The following BICC1 variants were observed in gnomAD, a reference collection of about 807,000 sequenced individuals.
The protein encoded by BICC1 is BicC family RNA binding protein 1, also known as protein bicaudal C homolog 1.
Under a neutral mutation model 111.0 loss-of-function variants are expected in BICC1, and 43 were observed. The ratio of observed to expected loss-of-function variants is 0.39; its 90% CI spans 0.30 to 0.50. The LOEUF (loss-of-function observed/expected upper bound fraction) is 0.50, where lower values mean the gene tolerates loss of function less well. BICC1 is among the 20% of genes least tolerant of loss of function. The pLI is 0.88. For synonymous variants in BICC1, 467 were observed against 434.4 expected, an observed-to-expected ratio of 1.07 and a Z score of -0.93; for missense variants, 1,091 against 1,203.2, an observed-to-expected ratio of 0.91 and a Z score of 1.38.
chr10:58,800,453 T>A, intron 13 of BICC1, 127 bp downstream of exon 13: 1 of 859,026 alleles, frequency 1.2e-6, no homozygotes, highest in Non-Finnish European at 1.7e-6. Flanking sequence ...ACCTCAATTA[T>A]GTGGAAAGAC....
At chr10:58,597,174 C>T (rs576405066) in intron 1 of BICC1, among the ~76,000 whole-genome samples, 4 of 152,048 alleles carry the variant, frequency 2.6e-5, no homozygotes, top group Non-Finnish European at 5.9e-5. Flanking sequence ...AGCTGGGCCG[C>T]CAGGGGTGAC....
chr10:58,785,103 C>T, intron 4 of BICC1, 23 bp downstream of exon 4: 1 of 1,434,864 alleles, frequency 7.0e-7, no homozygotes, highest in South Asian at 1.3e-5. Context: ...TAAGGACACT[C>T]AGATGTCAGA....
intron 1 of BICC1, among the ~76,000 whole-genome samples, chr10:58,608,795 T>A (rs1026311637): frequency 2.6e-5 from 4 of 152,316 alleles, no homozygotes; most frequent in Non-Finnish European, 5.9e-5. Context: ...CTTTTCTGGT[T>A]CCATAACTTT....
chr10:58,620,527 A>G lies in BICC1; in HGVS notation c.191-328A>G, dbSNP rs73290180. 8.6e-3 allele frequency among the ~76,000 whole-genome samples: 1,312 copies of G among 152,310 alleles called. 23 individuals are homozygous for G. The highest frequency in any genetic ancestry group is 0.03 in the African/African-American group (1,256 of 41,566). ...AGATAGGAAGTGCTTGGAATGCTAC[A>G]GTTGATTACTTTGAGAGTTGCATTT... On this transcript the variant is annotated intron_variant, in intron 1 of 20. Coordinates refer to ENST00000373886, the MANE Select transcript of BICC1 (RefSeq NM_001080512.3).
chr10:58,541,396 T>G (rs1164324877), intron 1 of BICC1, among the ~76,000 whole-genome samples: 1 of 152,090 alleles, frequency 6.6e-6, no homozygotes, highest in Non-Finnish European at 1.5e-5. Context: ...TCAGTTACAT[T>G]TCTATACTCA....
chr10:58,538,742 C>T (rs1564477389), intron 1 of BICC1, among the ~76,000 whole-genome samples: 1 of 151,646 alleles, frequency 6.6e-6, no homozygotes, highest in Admixed American at 6.6e-5. Context: ...TAAGAAAAAA[C>T]AAATAATCCC....
At chr10:58,559,806 G>A (rs1030223917) in intron 1 of BICC1, among the ~76,000 whole-genome samples, 10 of 152,064 alleles carry the variant, frequency 6.6e-5, no homozygotes, top group Admixed American at 2.0e-4. Context: ...AAGGGATGTC[G>A]AATTTTATCA....
intron 1 of BICC1, among the ~76,000 whole-genome samples, chr10:58,541,704 A>T (rs1281509182): frequency 6.6e-6 from 1 of 152,136 alleles, no homozygotes; most frequent in Admixed American, 6.5e-5. Context: ...AGAAAAAAAA[A>T]TTCTAAAATT....
chr10:58,692,929 T>C (rs1211628616), intron 2 of BICC1, among the ~76,000 whole-genome samples: 1 of 152,116 alleles, frequency 6.6e-6, no homozygotes, highest in Non-Finnish European at 1.5e-5. Flanking sequence ...GTTACATATG[T>C]ATACATGTGG....
intron 1 of BICC1, among the ~76,000 whole-genome samples, chr10:58,598,172 G>A (rs947399612): frequency 6.6e-6 from 1 of 151,944 alleles, no homozygotes; most frequent in Admixed American, 6.6e-5. Flanking sequence ...AACTTCATAT[G>A]GAACCAAAAA....
intron 2 of BICC1, among the ~76,000 whole-genome samples, chr10:58,624,101 C>T (rs1845911524): frequency 1.3e-5 from 2 of 152,148 alleles, no homozygotes; most frequent in South Asian, 4.1e-4. Flanking sequence ...TTTAGCTTCC[C>T]ATGGTTTGCT....
rs1167768334 is a variant in BICC1 at position 58,828,962 on chromosome 10, C to G, written c.*71C>G. 2.5e-6 allele frequency: 4 copies of G among 1,580,684 alleles called. No individual in the cohort carries two copies. Among genetic ancestry groups the G allele is most frequent in the African/African-American group, 1.3e-5 (1 of 74,358 alleles). On this transcript the variant is annotated 3_prime_UTR_variant, in exon 21 of 21. Transcript: ENST00000373886. ...ACAGGAGATGTATGAACAGCCTTCA[C>G]AGCACACCATCCTTAGCACTCTGGG... is the stretch of plus-strand genomic sequence containing the variant.
At chr10:58,793,456 C>T (rs201836608) in intron 8 of BICC1, 28 bp from the exon 9 acceptor site, 21 of 1,595,770 alleles carry the variant, frequency 1.3e-5, no homozygotes, top group Non-Finnish European at 1.7e-5. Context: ...TTTTTACCTC[C>T]TACACATTCT....
chr10:58,762,270 A>G (rs752374135), intron 3 of BICC1, among the ~76,000 whole-genome samples: 3 of 152,204 alleles, frequency 2.0e-5, no homozygotes, highest in Non-Finnish European at 4.4e-5. Context: ...AGACAAAACG[A>G]AAATGTAAGA....
chr10:58,612,917 C>T lies in BICC1; in HGVS notation c.191-7938C>T, dbSNP rs1432411834. ...GAAGAATTTAAAGTCAAGCTACCCC[C>T]CTCCCATTTAATTCAGTCATTAACT... On this transcript the variant is annotated intron_variant, in intron 1 of 20. Transcript: ENST00000373886. 5.9e-5 allele frequency among the ~76,000 whole-genome samples: 9 copies of T among 152,252 alleles called. No individual in the cohort carries two copies. In the East Asian group the frequency reaches 1.7e-3, roughly 29 times the overall value.
intron 3 of BICC1, among the ~76,000 whole-genome samples, chr10:58,775,337 G>A (rs1842720412): frequency 6.6e-6 from 1 of 151,642 alleles, no homozygotes; most frequent in African/African-American, 2.4e-5. Context: ...TCGTGCCACT[G>A]CACTCCAGCC....
chr10:58,565,064 C>T (rs2131961451), intron 1 of BICC1, among the ~76,000 whole-genome samples: 2 of 125,048 alleles, frequency 1.6e-5, no homozygotes, highest in South Asian at 6.2e-4. Flanking sequence ...ACACTTCACA[C>T]TCACTGATTC....
intron 1 of BICC1, among the ~76,000 whole-genome samples, chr10:58,616,150 AG>A (rs1267354143): frequency 1.3e-5 from 2 of 152,162 alleles, no homozygotes; most frequent in African/African-American, 4.8e-5. Flanking sequence ...CTGTGAATGC[AG>A]GCCTGGGGCT....
chr10:58,816,401 GA>G (rs1844088825), intron 18 of BICC1, among the ~76,000 whole-genome samples: 1 of 152,170 alleles, frequency 6.6e-6, no homozygotes, highest in Admixed American at 6.5e-5. Context: ...TTCACCCCAA[GA>G]GATAAACAGC....
Sources: gnomAD v4.1 joint callset for allele counts (sites outside exome capture counted in the v4.1 genomes callset) on GRCh38, gnomAD v4.1.1 for gene constraint, MANE v1.5 for transcripts, NCBI Gene and HGNC (gene_info 2026-07-23, HGNC 2026-07-21) for gene names.